ATP2C1: variants seen among roughly 807,000 people sequenced by gnomAD.
ATP2C1 encodes ATPase secretory pathway Ca2+ transporting 1.
Under a neutral mutation model 120.5 loss-of-function variants are expected in ATP2C1, and 31 were observed. The observed-to-expected ratio is 0.26, with a 90% CI of 0.19 to 0.35. ATP2C1 has a LOEUF of 0.35. ATP2C1 is among the 10% of genes least tolerant of loss of function. The pLI, the probability that ATP2C1 is intolerant of heterozygous loss-of-function variation, is 1.00. For synonymous variants in ATP2C1, 351 were observed against 358.7 expected, an observed-to-expected ratio of 0.98 and a Z score of 0.24; for missense variants, 731 against 1,107.5, an observed-to-expected ratio of 0.66 and a Z score of 4.83.
At chr3:130,861,519 G>A (rs1372133013) in intron 1 of ATP2C1, among the ~76,000 whole-genome samples, 2 of 152,216 alleles carry the variant, frequency 1.3e-5, no homozygotes, top group Non-Finnish European at 2.9e-5. Context: ...GTCCTATTTG[G>A]GTTCTCAATG....
intron 1 of ATP2C1, among the ~76,000 whole-genome samples, chr3:130,864,731 C>T (rs2068114111): frequency 6.6e-6 from 1 of 152,244 alleles, no homozygotes; most frequent in African/African-American, 2.4e-5. Flanking sequence ...GCCTTGGCAG[C>T]TTCCACGTGT....
At chr3:130,983,107 TAG>T (rs796127327) in intron 20 of ATP2C1, among the ~76,000 whole-genome samples, 2 of 151,758 alleles carry the variant, frequency 1.3e-5, no homozygotes, top group Admixed American at 6.6e-5. Context: ...TATATATATA[TAG>T]AGAGAGAGAG....
intron 20 of ATP2C1, among the ~76,000 whole-genome samples, chr3:130,990,272 A>C (rs1357983016): frequency 4.7e-4 from 48 of 102,100 alleles, no homozygotes; most frequent in Admixed American, 9.7e-4. Context: ...CTTAAGAGCA[A>C]CCCCCCCCCC....
Position 130,929,172 on chromosome 3 carries a change from C to T in ATP2C1, c.7-1244C>T, listed in dbSNP as rs540425469. ...TTTCCTCATATTTATTCACCGATAT[C>T]TCCTCATTAAAAGTTGAAAAATACT... is the stretch of plus-strand genomic sequence containing the variant. On this transcript the variant is annotated intron_variant, in intron 2 of 27. Coordinates refer to ENST00000510168, the MANE Select transcript of ATP2C1 (RefSeq NM_001378687.1). Among the ~76,000 whole-genome samples the T allele has an allele frequency of 1.3e-4, 20 of 152,172 alleles. No homozygotes were observed. The East Asian group carries it at 3.9e-3, about 29-fold the overall frequency.
In ATP2C1 at chr3:130,967,349, A is replaced by C; in HGVS notation, c.1238A>C (p.Asp413Ala). The change falls in exon 16 of 28, where the codon GAT becomes GCT. Residue 413 changes from aspartate (D) to alanine (A), a missense_variant. By Grantham distance (126) the Asp-to-Ala change is moderately radical (BLOSUM62 -2). Coordinates refer to ENST00000510168, the MANE Select transcript of ATP2C1 (RefSeq NM_001378687.1). ...RIVEAGCVCN[D>A]AVIRNNTLMG... ...TCTTAGGCGGGCTGTGTGTGCAATG[A>C]TGCTGTAATTAGAAACAATACTCTA... 1 of 1,613,762 alleles carries C rather than the reference A, an allele frequency of 6.2e-7. No individual in the cohort carries two copies. Among genetic ancestry groups the C allele is most frequent in the East Asian group, 2.2e-5 (1 of 44,840 alleles).
intron 17 of ATP2C1, among the ~76,000 whole-genome samples, chr3:130,971,905 C>T (rs920579433): frequency 3.2e-4 from 48 of 152,140 alleles, no homozygotes; most frequent in Non-Finnish European, 4.1e-4. Context: ...CACCATTTGT[C>T]TCTTGGAATA....
intron 1 of ATP2C1, among the ~76,000 whole-genome samples, chr3:130,878,590 C>G (rs970278285): frequency 7.9e-5 from 12 of 152,152 alleles, no homozygotes; most frequent in Non-Finnish European, 1.6e-4. Context: ...TGATGAGTTT[C>G]CTGTTTTTGG....
intron 2 of ATP2C1, among the ~76,000 whole-genome samples, chr3:130,920,539 G>A (rs570515803): frequency 8.5e-5 from 13 of 152,196 alleles, no homozygotes; most frequent in African/African-American, 4.8e-5. Flanking sequence ...CTATATGTCC[G>A]TCTTTATGCC....
chr3:130,969,796 A>G (rs1192190651), intron 17 of ATP2C1, among the ~76,000 whole-genome samples: 1 of 152,184 alleles, frequency 6.6e-6, no homozygotes, highest in African/African-American at 2.4e-5. Flanking sequence ...AAATGAAGCC[A>G]CCTTACTTTT....
intron 2 of ATP2C1, among the ~76,000 whole-genome samples, chr3:130,900,259 G>C (rs1652001234): frequency 6.6e-6 from 1 of 152,060 alleles, no homozygotes; most frequent in Non-Finnish European, 1.5e-5. Flanking sequence ...ACGAGGTCTT[G>C]ATATATTGCC....
intron 17 of ATP2C1, among the ~76,000 whole-genome samples, chr3:130,972,958 T>G (rs1379257599): frequency 6.6e-6 from 1 of 151,904 alleles, no homozygotes; most frequent in Admixed American, 6.6e-5. Flanking sequence ...GAAGAAAATT[T>G]CCAAAAACCA....
At chr3:130,980,098 A>G (rs1308316020) in intron 19 of ATP2C1, among the ~76,000 whole-genome samples, 2 of 152,216 alleles carry the variant, frequency 1.3e-5, no homozygotes, top group Non-Finnish European at 2.9e-5. Flanking sequence ...ATGTATAACT[A>G]CATGATTACC....
chr3:130,948,865 T>C (rs1205011116), intron 8 of ATP2C1, among the ~76,000 whole-genome samples: 1 of 152,190 alleles, frequency 6.6e-6, no homozygotes, highest in African/African-American at 2.4e-5. Context: ...TGGTGATCTG[T>C]GATCAGTGAT....
chr3:130,884,921 CT>C (rs2068913523), intron 1 of ATP2C1, among the ~76,000 whole-genome samples: 1 of 134,752 alleles, frequency 7.4e-6, no homozygotes, highest in South Asian at 2.4e-4. Flanking sequence ...TCTTTTCTTT[CT>C]TTTCTTTCTT....
intron 5 of ATP2C1, among the ~76,000 whole-genome samples, chr3:130,936,821 A>G (rs1236066600): frequency 6.6e-6 from 1 of 150,786 alleles, no homozygotes; most frequent in African/African-American, 2.4e-5. Flanking sequence ...TGTCTCAAAA[A>G]AAAAAAAAAA....
downstream of ATP2C1, among the ~76,000 whole-genome samples, chr3:131,007,700 T>A (rs2063168141): frequency 1.3e-5 from 2 of 152,236 alleles, no homozygotes. Flanking sequence ...CTGATAAGTA[T>A]ACCAAAGTGC....
intron 1 of ATP2C1, among the ~76,000 whole-genome samples, chr3:130,883,808 A>G (rs1209452600): frequency 6.6e-6 from 1 of 152,098 alleles, no homozygotes; most frequent in African/African-American, 2.4e-5. Flanking sequence ...CCCTCTTAGT[A>G]GTTATAGCTA....
At chr3:130,864,400 G>A (rs2068104544) in intron 1 of ATP2C1, among the ~76,000 whole-genome samples, 1 of 152,228 alleles carries the variant, frequency 6.6e-6, no homozygotes. Context: ...TAAAAGTTTG[G>A]AAAACTTGCA....
At chr3:130,960,876 T>C (rs533604244) in intron 12 of ATP2C1, among the ~76,000 whole-genome samples, 1 of 152,186 alleles carries the variant, frequency 6.6e-6, no homozygotes, top group East Asian at 1.9e-4. Context: ...AGGAAGATGA[T>C]AATAGACATA....
Sources: allele counts gnomAD v4.1 joint callset (sites outside exome capture counted in the v4.1 genomes callset), GRCh38; gene constraint gnomAD v4.1.1; transcripts MANE v1.5; gene names NCBI Gene and HGNC (gene_info 2026-07-23, HGNC 2026-07-21).